Variants in PVT1 observed in about 807,000 individuals in gnomAD.
PVT1 encodes CXCR4/PVT1 fusion.
intron 2 of PVT1, among the ~76,000 whole-genome samples, chr8:127,863,568 G>A (rs1162638622): frequency 2.0e-5 from 3 of 152,184 alleles, no homozygotes; most frequent in Non-Finnish European, 2.9e-5. Context: ...TCAGCTGTTG[G>A]CGTCGGGGGT....
intron 6 of PVT1, among the ~76,000 whole-genome samples, chr8:128,100,684 A>G (rs536158170): frequency 6.6e-6 from 1 of 152,212 alleles, no homozygotes; most frequent in Non-Finnish European, 1.5e-5. Flanking sequence ...AAATTATAAC[A>G]GTAAGCTAAG....
At chr8:127,990,954 A>T (rs1817030304) in intron 4 of PVT1, among the ~76,000 whole-genome samples, 1 of 108,200 alleles carries the variant, frequency 9.2e-6, no homozygotes, top group Non-Finnish European at 2.3e-5. Context: ...GCATACTGGG[A>T]GCTGAGCTGC....
intron 4 of PVT1, among the ~76,000 whole-genome samples, chr8:128,001,228 C>G (rs1817173232): frequency 6.6e-6 from 1 of 152,176 alleles, no homozygotes. Flanking sequence ...TCCTGAGGGG[C>G]TCGCCAGCAG....
intron 3 of PVT1, among the ~76,000 whole-genome samples, chr8:127,973,841 G>C (rs1432944162): frequency 6.6e-6 from 1 of 151,932 alleles, no homozygotes; most frequent in Non-Finnish European, 1.5e-5. Context: ...TTAGCCGGGC[G>C]TGGTGGTGGA....
chr8:127,929,622 G>T (rs1270524982), intron 3 of PVT1, among the ~76,000 whole-genome samples: 1 of 152,116 alleles, frequency 6.6e-6, no homozygotes. Flanking sequence ...AAAAAAATTA[G>T]CCGGGCATGG....
At chr8:127,849,548 C>G (rs1000610518) in intron 2 of PVT1, among the ~76,000 whole-genome samples, 1 of 152,120 alleles carries the variant, frequency 6.6e-6, no homozygotes, top group Admixed American at 6.5e-5. Flanking sequence ...GTTATGCCAT[C>G]GAGGTAAAAA....
chr8:128,090,897 G>C (rs1180782229), intron 5 of PVT1, among the ~76,000 whole-genome samples: 1 of 152,126 alleles, frequency 6.6e-6, no homozygotes, highest in Non-Finnish European at 1.5e-5. Flanking sequence ...CTGCGGCATG[G>C]AGGTCGTGGG....
chr8:127,881,833 C>T (rs1463139573), intron 2 of PVT1, among the ~76,000 whole-genome samples: 1 of 152,024 alleles, frequency 6.6e-6, no homozygotes, highest in Non-Finnish European at 1.5e-5. Context: ...CACTGACTTC[C>T]TGGACTCAAG....
intron 3 of PVT1, among the ~76,000 whole-genome samples, chr8:127,940,866 T>C (rs992451921): frequency 6.6e-6 from 1 of 152,168 alleles, no homozygotes; most frequent in African/African-American, 2.4e-5. Flanking sequence ...CCTTCTAAAG[T>C]GCTGTGATTA....
intron 3 of PVT1, among the ~76,000 whole-genome samples, chr8:127,930,960 T>G (rs962443129): frequency 1.3e-5 from 2 of 152,140 alleles, no homozygotes; most frequent in Non-Finnish European, 2.9e-5. Context: ...TCACCCAGGC[T>G]GGAGTTCAGT....
At chr8:127,887,321 G>C (rs772354045) in intron 2 of PVT1, among the ~76,000 whole-genome samples, 4 of 152,158 alleles carry the variant, frequency 2.6e-5, no homozygotes, top group Non-Finnish European at 4.4e-5. Context: ...CTGGCTTGCT[G>C]AATGTCCAGG....
intron 3 of PVT1, among the ~76,000 whole-genome samples, chr8:127,894,710 T>G (rs1282771948): frequency 6.6e-6 from 1 of 152,244 alleles, no homozygotes; most frequent in African/African-American, 2.4e-5. Context: ...AGGTCAACTT[T>G]TCAAAAATAC....
intron 3 of PVT1, among the ~76,000 whole-genome samples, chr8:127,906,954 T>TC (rs1491121342): frequency 3.2e-5 from 4 of 126,334 alleles, no homozygotes; most frequent in African/African-American, 6.4e-5. Context: ...GCACTCTCTC[T>TC]TTTTTTTTTT....
At chr8:127,891,104 G>T (rs1034902699) in intron 3 of PVT1, 1 of 152,364 alleles carries the variant, frequency 6.6e-6, no homozygotes, top group African/African-American at 2.4e-5. Flanking sequence ...GTGATGCTGG[G>T]TGCCTGGGGG....
chr8:128,028,089 C>T (rs1260213536), intron 4 of PVT1, among the ~76,000 whole-genome samples: 1 of 152,256 alleles, frequency 6.6e-6, no homozygotes, highest in African/African-American at 2.4e-5. Context: ...CACACGGCCT[C>T]CTTTTGTTCA....
intron 3 of PVT1, chr8:127,984,354 G>A (rs1305357760): frequency 6.6e-6 from 1 of 152,168 alleles, no homozygotes; most frequent in African/African-American, 2.4e-5. Flanking sequence ...AGAAAACGGA[G>A]CCATCGGGAA....
At chr8:128,089,102 G>A (rs940247342) in intron 5 of PVT1, among the ~76,000 whole-genome samples, 1 of 152,234 alleles carries the variant, frequency 6.6e-6, no homozygotes, top group African/African-American at 2.4e-5. Flanking sequence ...AATGAGAGAA[G>A]TTATGTGTGG....
At position 127,997,044 on chromosome 8, in the gene PVT1, G is replaced by GTTTTTTTTTTTTTT. The variant is rs1293036762; in HGVS notation, n.912+7765_912+7766insTTTTTTTTTTTTTT. Among the ~76,000 whole-genome samples, 7 of 81,586 alleles carry GTTTTTTTTTTTTTT rather than the reference G, an allele frequency of 8.6e-5. 1 individual carries two copies. Among genetic ancestry groups the GTTTTTTTTTTTTTT allele is most frequent in the African/African-American group, 1.0e-4 (2 of 19,868 alleles). 53.5% of individuals were successfully genotyped at this position (81,586 alleles called of 152,430 possible). On this transcript the variant is annotated intron_variant and non_coding_transcript_variant, in intron 4 of 10. Coordinates refer to ENST00000651587, the Ensembl canonical transcript of PVT1. The stretch of plus-strand genomic sequence containing the variant: ...GAACATTCACTGGTCATTTGCTTTC[G>GTTTTTTTTTTTTTT]TTTTTTTTTTTTGTTTGTTTGTTTT...
intron 3 of PVT1, among the ~76,000 whole-genome samples, chr8:127,938,488 A>G (rs1816306412): frequency 1.3e-5 from 2 of 152,218 alleles, no homozygotes; most frequent in Admixed American, 1.3e-4. Context: ...TAGGAACCCA[A>G]GGCCTCACCC....
Sources: gnomAD v4.1 joint callset for allele counts (sites outside exome capture counted in the v4.1 genomes callset) on GRCh38, gnomAD v4.1.1 for gene constraint, MANE v1.5 for transcripts, NCBI Gene and HGNC (gene_info 2026-07-23, HGNC 2026-07-21) for gene names.